The following CCBE1 variants were observed in gnomAD, a reference collection of about 807,000 sequenced individuals.
CCBE1 encodes collagen and calcium binding EGF domains 1.
CCBE1 carries 37 observed loss-of-function variants against 50.0 expected under a neutral mutation model. The ratio of observed to expected loss-of-function variants is 0.74; its 90% CI spans 0.57 to 0.97. The LOEUF (loss-of-function observed/expected upper bound fraction) is 0.97, where lower values mean the gene tolerates loss of function less well. CCBE1 is among the 50% of genes least tolerant of loss of function. The pLI is 0.00. For missense variants in CCBE1, 538 were observed against 523.8 expected (o/e 1.03, Z -0.26); for synonymous variants, 234 against 203.7 (o/e 1.15, Z -1.27).
At position 59,679,163 on chromosome 18, in the gene CCBE1, C is replaced by T. The variant is rs571715154; in HGVS notation, c.212+17466G>A. Among the ~76,000 whole-genome samples, 53 of 152,244 alleles carry T rather than the reference C, an allele frequency of 3.5e-4. 2 individuals are homozygous for T. The South Asian group carries it at 0.01, about 30-fold the overall frequency. On this transcript the variant is annotated intron_variant, in intron 2 of 10. Transcript: ENST00000439986. ...CTTCCCCATACAGTGATCTGCTCTA[C>T]CACAAACAGCGTCACAACTCACCAT...
chr18:59,563,341 G>A (rs2052770659), intron 2 of CCBE1, among the ~76,000 whole-genome samples: 1 of 152,200 alleles, frequency 6.6e-6, no homozygotes. Context: ...CTATTTGTTT[G>A]CTACTTGTGC....
At chr18:59,457,857 A>G (rs1247833470) in intron 5 of CCBE1, among the ~76,000 whole-genome samples, 3 of 152,254 alleles carry the variant, frequency 2.0e-5, no homozygotes, top group African/African-American at 7.2e-5. Context: ...AGAATTATTT[A>G]GCTCAATCTC....
At chr18:59,629,715 G>A (rs934882738) in intron 2 of CCBE1, among the ~76,000 whole-genome samples, 2 of 152,238 alleles carry the variant, frequency 1.3e-5, no homozygotes, top group East Asian at 1.9e-4. Context: ...GTCTCCGAGA[G>A]CCCTGGCTGG....
At chr18:59,656,068 G>A (rs1333547743) in intron 2 of CCBE1, among the ~76,000 whole-genome samples, 3 of 152,214 alleles carry the variant, frequency 2.0e-5, no homozygotes, top group Non-Finnish European at 4.4e-5. Context: ...GAAAAGGCAA[G>A]GAGGAGGAGG....
At chr18:59,464,533 C>T (rs977460227) in intron 5 of CCBE1, among the ~76,000 whole-genome samples, 11 of 152,254 alleles carry the variant, frequency 7.2e-5, no homozygotes, top group African/African-American at 2.7e-4. Flanking sequence ...TATGAACACC[C>T]CTGGGCAGGC....
chr18:59,454,989 TG>T (rs751035111), intron 5 of CCBE1, 38 bp from the exon 6 acceptor site: 1 of 1,530,530 alleles, frequency 6.5e-7, no homozygotes, highest in Non-Finnish European at 9.0e-7. Context: ...TCTGGGAGGC[TG>T]GATGCAAGCC....
At position 59,458,137 on chromosome 18, in the gene CCBE1, C is replaced by CATCT. The variant is rs71177022; in HGVS notation, c.554-3187_554-3186insAGAT. Reference sequence around the variant, plus strand: ...CTGTCCATCAATCCATCCATCCATCCATCCATCCATCTATCCATCCATCCA... The same window carrying CATCT: ...CTGTCCATCAATCCATCCATCCATCCATCTATCCATCCATCTATCCATCCATCCA... On this transcript the variant is annotated intron_variant, in intron 5 of 10. Coordinates refer to ENST00000439986, the MANE Select transcript of CCBE1 (RefSeq NM_133459.4). 6.0e-3 allele frequency among the ~76,000 whole-genome samples: 892 copies of CATCT among 148,498 alleles called. 2 individuals carry two copies. Among genetic ancestry groups the CATCT allele is most frequent in the Non-Finnish European group, 1.0e-2 (676 of 67,748 alleles).
chr18:59,597,658 G>A (rs149961065), intron 2 of CCBE1, among the ~76,000 whole-genome samples: 96 of 152,238 alleles, frequency 6.3e-4, no homozygotes, highest in African/African-American at 1.9e-3. Context: ...GTCTGGTATC[G>A]GTCATGGCTG....
intron 2 of CCBE1, among the ~76,000 whole-genome samples, chr18:59,485,663 T>G (rs541610382): frequency 2.0e-5 from 3 of 151,996 alleles, no homozygotes; most frequent in Non-Finnish European, 2.9e-5. Context: ...CAGGCTGGAA[T>G]GCAGTGGCAT....
chr18:59,658,416 T>G (rs1321270226), intron 2 of CCBE1, among the ~76,000 whole-genome samples: 1 of 71,176 alleles, frequency 1.4e-5, no homozygotes, highest in Non-Finnish European at 2.5e-5. Context: ...TATATATATA[T>G]AAAGTTAGCT....
intron 2 of CCBE1, among the ~76,000 whole-genome samples, chr18:59,634,776 A>G (rs1252589565): frequency 6.6e-6 from 1 of 152,256 alleles, no homozygotes; most frequent in Non-Finnish European, 1.5e-5. Context: ...CTACATATGC[A>G]AAATACATAA....
At chr18:59,605,341 T>C (rs75583402) in intron 2 of CCBE1, among the ~76,000 whole-genome samples, 6,614 of 152,270 alleles carry the variant, frequency 0.043, 387 homozygotes, top group African/African-American at 0.13. Context: ...AAGAGGAAGA[T>C]GACAAGTTTT....
At chr18:59,599,177 A>G (rs2053396529) in intron 2 of CCBE1, among the ~76,000 whole-genome samples, 1 of 152,188 alleles carries the variant, frequency 6.6e-6, no homozygotes, top group Non-Finnish European at 1.5e-5. Context: ...AGAGGAAGCA[A>G]GAAGGAAGAA....
intron 2 of CCBE1, among the ~76,000 whole-genome samples, chr18:59,655,357 G>A (rs1205049591): frequency 6.6e-6 from 1 of 152,222 alleles, no homozygotes; most frequent in Non-Finnish European, 1.5e-5. Flanking sequence ...TTGCTCACTG[G>A]CTGGGGCAAT....
intron 2 of CCBE1, among the ~76,000 whole-genome samples, chr18:59,492,998 T>C (rs1913181729): frequency 6.6e-6 from 1 of 152,230 alleles, no homozygotes; most frequent in African/African-American, 2.4e-5. Flanking sequence ...GCAGTTCCAG[T>C]GGCGCTCGGC....
chr18:59,472,601 A>G (rs766124053), intron 3 of CCBE1, among the ~76,000 whole-genome samples: 15 of 152,166 alleles, frequency 9.9e-5, no homozygotes. Flanking sequence ...TCCTCGTCTC[A>G]GCCTCCCAAA....
chr18:59,482,897 AT>A (rs1019041272), intron 2 of CCBE1, among the ~76,000 whole-genome samples: 8 of 128,674 alleles, frequency 6.2e-5, no homozygotes, highest in African/African-American at 1.3e-4. Flanking sequence ...TTTAAGAAGT[AT>A]TTTTTTTTGT....
In CCBE1 at chr18:59,489,987, G is replaced by GTTTTTT. The variant is rs199609938; in HGVS notation, c.213-9755_213-9750dup. Among the ~76,000 whole-genome samples the GTTTTTT allele has an allele frequency of 8.2e-5, 10 of 122,206 alleles. 1 individual carries two copies. The highest frequency in any genetic ancestry group is 1.3e-4 in the African/African-American group (4 of 31,628). The allele number at this position is 122,206 out of a possible 152,430, so 80.2% of individuals were successfully genotyped here. ...GTATATACTTATATACGCATAAGGAGTTTTTTTTTTTTTTTTTGAGATGGA... is the reference window on the plus strand; with the variant it reads ...GTATATACTTATATACGCATAAGGAGTTTTTTTTTTTTTTTTTTTTTTTGAGATGGA... On this transcript the variant is annotated intron_variant, in intron 2 of 10. Transcript: ENST00000439986.
At chr18:59,447,619 G>A (rs1395991634) in intron 7 of CCBE1, among the ~76,000 whole-genome samples, 1 of 152,168 alleles carries the variant, frequency 6.6e-6, no homozygotes, top group Non-Finnish European at 1.5e-5. Flanking sequence ...ATTGGGTGAG[G>A]AGCCCCAAGC....
Sources: allele counts gnomAD v4.1 joint callset (sites outside exome capture counted in the v4.1 genomes callset), GRCh38; gene constraint gnomAD v4.1.1; transcripts MANE v1.5; gene names NCBI Gene and HGNC (gene_info 2026-07-23, HGNC 2026-07-21).